ETFA: variants seen among roughly 807,000 people sequenced by gnomAD.
ETFA encodes the protein electron transfer flavoprotein subunit alpha, also known as electron transfer flavoprotein subunit alpha, mitochondrial.
ETFA carries 22 observed loss-of-function variants against 46.2 expected under a neutral mutation model. That is an observed-to-expected ratio of 0.48 (90% CI 0.34 to 0.68). The LOEUF is 0.68. ETFA is among the 30% of genes least tolerant of loss of function. ETFA has a pLI of 0.01. For missense variants in ETFA, 345 were observed against 401.1 expected, an observed-to-expected ratio of 0.86 and a Z score of 1.19; for synonymous variants, 131 against 139.9, an observed-to-expected ratio of 0.94 and a Z score of 0.45.
At position 76,291,215 on chromosome 15, in the gene ETFA, G is replaced by A. The variant is rs190845524; in HGVS notation, c.351+1216C>T. Among the ~76,000 whole-genome samples, 350 of 151,950 alleles carry A rather than the reference G, an allele frequency of 2.3e-3. 1 individual carries two copies. The highest frequency in any genetic ancestry group is 2.3e-3 in the Non-Finnish European group (154 of 67,952). ...TGGGCAACAGAGCTAGGCTGAAGCA[G>A]GCAGATCACCTGAGGTCAGGAGTTC... On this transcript the variant is annotated intron_variant, in intron 4 of 11. Transcript: ENST00000557943.
Position 76,245,043 on chromosome 15 carries a change from A to T in ETFA, c.817-13645T>A, listed in dbSNP as rs1329388227. Among the ~76,000 whole-genome samples, 3 of 152,232 alleles carry T rather than the reference A, an allele frequency of 2.0e-5. 1 individual carries two copies. The highest frequency in any genetic ancestry group is 6.5e-5 in the Admixed American group (1 of 15,286). On this transcript the variant is annotated intron_variant, in intron 9 of 11. Transcript: ENST00000557943. Reference sequence around the variant, plus strand: ...AACCAAAGATATAATTAAAACTCCTAGTTTTTTGGCAATTAAGTTTTTAAC... The same window carrying T: ...AACCAAAGATATAATTAAAACTCCTTGTTTTTTGGCAATTAAGTTTTTAAC...
chr15:76,260,983 T>C (rs1435414337), intron 9 of ETFA: 1 of 1,609,848 alleles, frequency 6.2e-7, no homozygotes, highest in Non-Finnish European at 8.5e-7. Context: ...CAGGCCACAC[T>C]AGTGTTGCCG....
chr15:76,257,069 G>A (rs571657099), intron 9 of ETFA, among the ~76,000 whole-genome samples: 22 of 142,040 alleles, frequency 1.5e-4, no homozygotes, highest in African/African-American at 5.4e-4. Context: ...ATTAACGAAC[G>A]TGACTTTCTT....
intron 2 of ETFA, among the ~76,000 whole-genome samples, chr15:76,293,967 T>C (rs1301533231): frequency 2.0e-5 from 3 of 149,604 alleles, no homozygotes; most frequent in East Asian, 4.1e-4. Context: ...AATTTTCCCA[T>C]TGAAACTATC....
chr15:76,276,328 T>G (rs373349299), intron 8 of ETFA, among the ~76,000 whole-genome samples: 1 of 152,072 alleles, frequency 6.6e-6, no homozygotes, highest in East Asian at 1.9e-4. Context: ...TTATTATCTT[T>G]GCTCTTGTAC....
chr15:76,242,670 G>A (rs2039203909), intron 9 of ETFA, among the ~76,000 whole-genome samples: 2 of 152,172 alleles, frequency 1.3e-5, no homozygotes, highest in South Asian at 4.1e-4. Flanking sequence ...ACAGATGAAT[G>A]GATAAGCAAA....
Position 76,234,582 on chromosome 15 carries a change from T to C in ETFA, c.817-3184A>G, listed in dbSNP as rs575443829. 2.0e-5 allele frequency among the ~76,000 whole-genome samples: 3 copies of C among 152,016 alleles called. No homozygotes were observed. In the South Asian group the frequency reaches 6.3e-4, roughly 32 times the overall value. On this transcript the variant is annotated intron_variant, in intron 9 of 11. Transcript: ENST00000557943. ...AAGGCGTGGTGGGGGACGGTGGGGA[T>C]TAAAGGAACCAACAGAAACAGAAAG...
chr15:76,292,710 AAAGAT>A lies in ETFA; in HGVS notation c.187-15_187-11del. 6.3e-7 allele frequency: 1 copy of A among 1,575,922 alleles called. No individual in the cohort carries two copies. The highest frequency in any genetic ancestry group is 8.7e-7 in the Non-Finnish European group (1 of 1,145,134). ...AGAGATCTTGTGCCACCTATGATTA[AAAGAT>A]AAGTTCCTAATTATCCATCTATCAG... On this transcript the variant is annotated splice_polypyrimidine_tract_variant and intron_variant, in intron 2 of 11. Transcript: ENST00000557943.
chr15:76,262,437 A>G (rs538219621), intron 9 of ETFA, among the ~76,000 whole-genome samples: 1 of 152,004 alleles, frequency 6.6e-6, no homozygotes, highest in East Asian at 1.9e-4. Flanking sequence ...GTTAAATACA[A>G]AAAGACACAC....
chr15:76,245,150 T>C (rs558303247), intron 9 of ETFA: 2 of 152,354 alleles, frequency 1.3e-5, no homozygotes, highest in East Asian at 3.8e-4. Flanking sequence ...TAAACTTCAC[T>C]GTATGGGCTT....
In ETFA at chr15:76,281,319, C is replaced by T. The variant is rs555177907; in HGVS notation, c.733+2438G>A. ...CACACCCAGCCAGATGTCTCTTTCT[C>T]ATTAAGGCCAAATCTGGCTATCTTA... On this transcript the variant is annotated intron_variant, in intron 8 of 11. Transcript: ENST00000557943. Among the ~76,000 whole-genome samples, 6 of 152,268 alleles carry T rather than the reference C, an allele frequency of 3.9e-5. 1 individual carries two copies. Among genetic ancestry groups the T allele is most frequent in the African/African-American group, 1.4e-4 (6 of 41,556 alleles).
intron 4 of ETFA, among the ~76,000 whole-genome samples, chr15:76,291,179 G>A (rs1171799787): frequency 6.6e-6 from 1 of 152,120 alleles, no homozygotes; most frequent in African/African-American, 2.4e-5. Context: ...TCGTGCCACT[G>A]CACTCCAGTC....
chr15:76,291,025 G>A (rs1354400948), intron 4 of ETFA, among the ~76,000 whole-genome samples: 5 of 152,254 alleles, frequency 3.3e-5, no homozygotes, highest in East Asian at 1.9e-4. Flanking sequence ...AGACAAGCCC[G>A]CACAACATAG....
Position 76,303,240 on chromosome 15 carries a change from G to A in ETFA, c.40-7503C>T, listed in dbSNP as rs758500883. ...GGAGAATTGCTTGAACCCAGGAGGC[G>A]GAGGTTGCAGTGAGCCAAGATTGCA... On this transcript the variant is annotated intron_variant, in intron 1 of 11. Transcript: ENST00000557943. 3.9e-4 allele frequency among the ~76,000 whole-genome samples: 59 copies of A among 152,034 alleles called. 1 individual carries two copies. Among genetic ancestry groups the A allele is most frequent in the Non-Finnish European group, 2.8e-4 (19 of 68,010 alleles).
chr15:76,287,851 T>C lies in ETFA; in HGVS notation c.446A>G (p.Tyr149Cys), dbSNP rs2039717185. ...KSPDTFVRTI[Y>C]AGNALCTVKC... ...TATCTTCCTTGAGTACTCACCTGCA[T>C]AAATAGTTCTCACAAATGTGTCAGG... Residue 149 changes from tyrosine to cysteine, a missense_variant, in exon 5 of 12, where the codon TAT becomes TGT. Physicochemically the swap from Tyr to Cys is radical, Grantham distance 194. Coordinates refer to ENST00000557943, the MANE Select transcript of ETFA (RefSeq NM_000126.4). The C allele has an allele frequency of 6.2e-7, 1 of 1,601,920 alleles. No homozygotes were observed.
intron 1 of ETFA, among the ~76,000 whole-genome samples, chr15:76,302,599 T>C (rs957344118): frequency 6.6e-6 from 1 of 152,148 alleles, no homozygotes; most frequent in Middle Eastern, 3.2e-3. Context: ...TAATGGTAGA[T>C]ACCTGTCATT....
chr15:76,278,088 T>C (rs1020407445), intron 8 of ETFA, among the ~76,000 whole-genome samples: 2 of 151,052 alleles, frequency 1.3e-5, no homozygotes, highest in Non-Finnish European at 3.0e-5. Flanking sequence ...ATATGCCAGA[T>C]TGGAAACCAA....
chr15:76,249,973 T>C (rs1200486899), intron 9 of ETFA, among the ~76,000 whole-genome samples: 1 of 152,188 alleles, frequency 6.6e-6, no homozygotes, highest in Non-Finnish European at 1.5e-5. Flanking sequence ...TTCTCTACAA[T>C]TAGCAATTTC....
intron 8 of ETFA, among the ~76,000 whole-genome samples, chr15:76,282,818 TC>T (rs2141527042): frequency 6.6e-6 from 1 of 152,300 alleles, no homozygotes; most frequent in Non-Finnish European, 1.5e-5. Flanking sequence ...TAATCAAATG[TC>T]TTTAAAAAGA....
Sources: allele counts gnomAD v4.1 joint callset (sites outside exome capture counted in the v4.1 genomes callset), GRCh38; gene constraint gnomAD v4.1.1; transcripts MANE v1.5; gene names NCBI Gene and HGNC (gene_info 2026-07-23, HGNC 2026-07-21).